Variants in SCHIP1 observed in about 807,000 individuals in gnomAD.
SCHIP1 encodes schwannomin interacting protein 1.
In SCHIP1, 8 loss-of-function variants were observed where a neutral mutation model predicts 29.7. The observed-to-expected ratio is 0.27, with a 90% CI of 0.16 to 0.49. The LOEUF is 0.49. Among genes scored for constraint, SCHIP1 ranks in the 20% least tolerant of loss-of-function variants. The probability of loss-of-function intolerance (pLI) is 0.99; values close to 1 mark genes in which losing one functional copy is unlikely to be tolerated. For synonymous variants in SCHIP1, 76 were observed against 94.9 expected (o/e 0.80, Z 1.16); for missense variants, 193 against 294.6 (o/e 0.66, Z 2.52).
the SCHIP1 span, among the ~76,000 whole-genome samples, chr3:159,598,921 A>G: frequency 6.6e-6 from 1 of 152,088 alleles, no homozygotes; most frequent in South Asian, 2.1e-4. Context: ...CTTTTCCTGG[A>G]TTGCTTTTTC....
Position 159,839,926 on chromosome 3 carries a change from G to C in SCHIP1, c.-259G>C. 3 of 1,399,320 alleles carry C rather than the reference G, an allele frequency of 2.1e-6. No individual in the cohort carries two copies. In the South Asian group the frequency reaches 5.0e-5, roughly 23 times the overall value. The allele number at this position is 1,399,320 out of a possible 1,614,324, so 86.7% of individuals were successfully genotyped here. A position where few individuals can be genotyped will look rare whatever the true frequency, so the allele number is the denominator to read the frequency against. On this transcript the variant is annotated 5_prime_UTR_variant, in exon 1 of 7. Coordinates refer to ENST00000445224, the Ensembl canonical transcript of SCHIP1. ...TGATGAGCGCCCCCTCCCCCAGCCC[G>C]GTCCCAGCTCCATGTTCCTAAGCCT... is the stretch of plus-strand genomic sequence containing the variant.
the SCHIP1 span, among the ~76,000 whole-genome samples, chr3:159,496,396 AC>A: frequency 6.6e-6 from 1 of 152,248 alleles, no homozygotes; most frequent in Non-Finnish European, 1.5e-5. Flanking sequence ...ATGAACTCAA[AC>A]AAATTTACAA....
chr3:159,692,277 C>T, the SCHIP1 span, among the ~76,000 whole-genome samples: 1 of 152,132 alleles, frequency 6.6e-6, no homozygotes, highest in Non-Finnish European at 1.5e-5. Context: ...GCCTGCCTTG[C>T]TAGGTTGGGG....
At chr3:159,652,549 C>T in the SCHIP1 span, among the ~76,000 whole-genome samples, 2 of 151,932 alleles carry the variant, frequency 1.3e-5, no homozygotes, top group Non-Finnish European at 2.9e-5. Context: ...TAATGGGAGA[C>T]AAACAAGGAA....
intron 2 of SCHIP1, among the ~76,000 whole-genome samples, chr3:159,875,421 G>C (rs564608614): frequency 6.6e-6 from 1 of 152,130 alleles, no homozygotes; most frequent in South Asian, 2.1e-4. Context: ...AAAAGAGGGG[G>C]AGGCAGGAAG....
chr3:159,724,575 C>G, the SCHIP1 span, among the ~76,000 whole-genome samples: 1 of 152,210 alleles, frequency 6.6e-6, no homozygotes, highest in Non-Finnish European at 1.5e-5. Flanking sequence ...ACCCACCTCC[C>G]TTTTCCAGTA....
intron 6 of SCHIP1, chr3:159,892,581 G>A: frequency 3.0e-6 from 1 of 333,862 alleles, no homozygotes. Flanking sequence ...GCTCTTGTAT[G>A]ATCCAGTTCT....
the SCHIP1 span, among the ~76,000 whole-genome samples, chr3:159,690,770 T>A: frequency 6.6e-6 from 1 of 152,262 alleles, no homozygotes; most frequent in South Asian, 2.1e-4. Flanking sequence ...GCTTTAGATG[T>A]CTCCCAGAGA....
chr3:159,834,084 A>G, the SCHIP1 span, among the ~76,000 whole-genome samples: 1 of 152,144 alleles, frequency 6.6e-6, no homozygotes, highest in Non-Finnish European at 1.5e-5. Context: ...TCCTTTCCTG[A>G]GTACGTAAGA....
chr3:159,396,181 T>C, the SCHIP1 span, among the ~76,000 whole-genome samples: 1 of 149,684 alleles, frequency 6.7e-6, no homozygotes, highest in Admixed American at 6.7e-5. Flanking sequence ...TGGTAGATCT[T>C]CCTCCATCCT....
At chr3:159,810,131 C>T in the SCHIP1 span, among the ~76,000 whole-genome samples, 23 of 152,184 alleles carry the variant, frequency 1.5e-4, no homozygotes, top group African/African-American at 4.6e-4. Flanking sequence ...CTGCAACCTC[C>T]GCCTCCCGGG....
At chr3:159,502,556 A>G in the SCHIP1 span, among the ~76,000 whole-genome samples, 10 of 152,122 alleles carry the variant, frequency 6.6e-5, no homozygotes, top group Non-Finnish European at 1.2e-4. Context: ...GGCTTGTTAC[A>G]TATGTATACA....
At chr3:159,857,987 C>T (rs1488367283) in intron 1 of SCHIP1, among the ~76,000 whole-genome samples, 1 of 152,148 alleles carries the variant, frequency 6.6e-6, no homozygotes, top group Non-Finnish European at 1.5e-5. Flanking sequence ...CCACCTCCCC[C>T]GGATCCTAGG....
the SCHIP1 span, among the ~76,000 whole-genome samples, chr3:159,706,834 T>C: frequency 6.6e-6 from 1 of 151,908 alleles, no homozygotes; most frequent in South Asian, 2.1e-4. Flanking sequence ...AAAGGGTGAG[T>C]GGGATGGGGT....
the SCHIP1 span, among the ~76,000 whole-genome samples, chr3:159,555,207 G>A: frequency 6.6e-6 from 1 of 152,108 alleles, no homozygotes; most frequent in African/African-American, 2.4e-5. Flanking sequence ...AAAGATACAA[G>A]GAGGATCCAG....
At chr3:159,488,654 G>A in the SCHIP1 span, among the ~76,000 whole-genome samples, 6 of 152,134 alleles carry the variant, frequency 3.9e-5, no homozygotes, top group Non-Finnish European at 8.8e-5. Flanking sequence ...TGCACAGAAA[G>A]AAGGCCAGAG....
chr3:159,494,466 C>G, the SCHIP1 span, among the ~76,000 whole-genome samples: 54 of 152,270 alleles, frequency 3.5e-4, no homozygotes, highest in East Asian at 9.6e-4. Flanking sequence ...TCAGAGAATA[C>G]TATAAACACC....
At chr3:159,654,237 C>A in the SCHIP1 span, among the ~76,000 whole-genome samples, 1 of 152,100 alleles carries the variant, frequency 6.6e-6, no homozygotes, top group South Asian at 2.1e-4. Context: ...AAATGAACCA[C>A]TTTTTACTCT....
the SCHIP1 span, among the ~76,000 whole-genome samples, chr3:159,378,444 ATGT>A: frequency 4.1e-4 from 62 of 152,222 alleles, no homozygotes; most frequent in East Asian, 1.2e-3. Context: ...GTTTTTGTTG[ATGT>A]TGTTGTTGTT....
Sources: allele counts gnomAD v4.1 joint callset (sites outside exome capture counted in the v4.1 genomes callset), GRCh38; gene constraint gnomAD v4.1.1; transcripts MANE v1.5; gene names NCBI Gene and HGNC (gene_info 2026-07-23, HGNC 2026-07-21).